Variants in CACNA2D3 observed in about 807,000 individuals in gnomAD.
CACNA2D3 encodes voltage-dependent calcium channel subunit alpha-2/delta-3.
CACNA2D3 carries 60 observed loss-of-function variants against 160.6 expected under a neutral mutation model. The ratio of observed to expected loss-of-function variants is 0.37; its 90% confidence interval spans 0.30 to 0.46. CACNA2D3 has a LOEUF of 0.46. Among genes scored for constraint, CACNA2D3 ranks in the 20% least tolerant of loss-of-function variants. CACNA2D3 has a pLI of 1.00. For missense variants in CACNA2D3, 1,205 were observed against 1,365.0 expected (o/e 0.88, Z 1.85); for synonymous variants, 558 against 492.9 (o/e 1.13, Z -1.75).
chr3:54,257,423 G>A (rs934626560), intron 2 of CACNA2D3, among the ~76,000 whole-genome samples: 2 of 152,164 alleles, frequency 1.3e-5, no homozygotes, highest in African/African-American at 2.4e-5. Context: ...TGCATGTAGC[G>A]TGAGAGCTAG....
chr3:54,263,522 G>A (rs1276379363), intron 2 of CACNA2D3, among the ~76,000 whole-genome samples: 1 of 152,188 alleles, frequency 6.6e-6, no homozygotes, highest in Non-Finnish European at 1.5e-5. Context: ...GATTTGAAGT[G>A]AGGTGGTGCA....
chr3:54,424,303 G>A (rs1699881687), intron 4 of CACNA2D3, among the ~76,000 whole-genome samples: 1 of 152,222 alleles, frequency 6.6e-6, no homozygotes, highest in Non-Finnish European at 1.5e-5. Context: ...CAGCTGTGAG[G>A]AGAAGCTCCT....
chr3:54,284,083 A>G (rs1702950627), intron 2 of CACNA2D3, among the ~76,000 whole-genome samples: 2 of 152,102 alleles, frequency 1.3e-5, no homozygotes, highest in South Asian at 4.1e-4. Context: ...AACAAAAACA[A>G]AACAAAACTA....
At position 54,968,384 on chromosome 3, in the gene CACNA2D3, A is replaced by G. The variant is rs1702199714; in HGVS notation, c.2450-66A>G. Reference sequence around the variant, plus strand: ...TTCTTGCCATGACGGATAATTTTCAACGATAATCTTAAATAATTGTGTAAA... The same window carrying G: ...TTCTTGCCATGACGGATAATTTTCAGCGATAATCTTAAATAATTGTGTAAA... On this transcript the variant is annotated intron_variant, in intron 27 of 37. Transcript: ENST00000474759. The G allele has an allele frequency of 4.6e-6, 5 of 1,078,822 alleles. No individual in the cohort carries two copies. In the Admixed American group the frequency reaches 5.9e-5, roughly 13 times the overall value. 66.8% of individuals were successfully genotyped at this position (1,078,822 alleles called of 1,614,324 possible). A position where few individuals can be genotyped will look rare whatever the true frequency, so the allele number is the denominator to read the frequency against.
chr3:54,827,163 C>A (rs1250614358), intron 14 of CACNA2D3, among the ~76,000 whole-genome samples: 5 of 152,166 alleles, frequency 3.3e-5, no homozygotes, highest in Non-Finnish European at 7.3e-5. Context: ...TCAGGTAGAC[C>A]AAGACTCAGA....
intron 2 of CACNA2D3, among the ~76,000 whole-genome samples, chr3:54,265,599 GTA>G (rs931901158): frequency 2.3e-5 from 3 of 129,450 alleles, no homozygotes; most frequent in African/African-American, 3.6e-5. Context: ...TATATAGTGT[GTA>G]TATATATAGT....
chr3:54,711,695 G>A (rs1195387004), intron 11 of CACNA2D3, among the ~76,000 whole-genome samples: 3 of 152,182 alleles, frequency 2.0e-5, no homozygotes, highest in Admixed American at 1.3e-4. Flanking sequence ...ACATAGAAGA[G>A]TGGATATCTG....
chr3:54,619,856 A>G (rs1241756651), intron 9 of CACNA2D3, among the ~76,000 whole-genome samples: 1 of 152,206 alleles, frequency 6.6e-6, no homozygotes, highest in Non-Finnish European at 1.5e-5. Flanking sequence ...AAGAGGCTGT[A>G]AAAGTCAGCC....
At chr3:54,442,335 A>G (rs1033501205) in intron 4 of CACNA2D3, among the ~76,000 whole-genome samples, 1 of 152,166 alleles carries the variant, frequency 6.6e-6, no homozygotes, top group African/African-American at 2.4e-5. Context: ...CATACATTTT[A>G]TAAAGAGGGC....
At chr3:54,215,701 T>C (rs962894697) in intron 2 of CACNA2D3, among the ~76,000 whole-genome samples, 4 of 152,130 alleles carry the variant, frequency 2.6e-5, no homozygotes, top group African/African-American at 9.7e-5. Flanking sequence ...GGCTTTCACA[T>C]GGAATTTCCA....
At chr3:54,598,652 T>C (rs565560133) in intron 9 of CACNA2D3, among the ~76,000 whole-genome samples, 2 of 152,178 alleles carry the variant, frequency 1.3e-5, no homozygotes, top group African/African-American at 4.8e-5. Flanking sequence ...CATACCTTAA[T>C]ACCAAGTCCT....
chr3:54,321,326 A>G (rs1450601755), intron 3 of CACNA2D3, among the ~76,000 whole-genome samples: 1 of 151,980 alleles, frequency 6.6e-6, no homozygotes, highest in Non-Finnish European at 1.5e-5. Context: ...GCTCAAAAAA[A>G]AAAAAAAGTT....
chr3:54,744,876 A>AG (rs1701723450), intron 11 of CACNA2D3, among the ~76,000 whole-genome samples: 1 of 152,182 alleles, frequency 6.6e-6, no homozygotes, highest in Admixed American at 6.5e-5. Context: ...GGGTGGGTGG[A>AG]GGATCCCCAT....
chr3:54,952,608 C>T (rs545553017), intron 27 of CACNA2D3, among the ~76,000 whole-genome samples: 16 of 152,200 alleles, frequency 1.1e-4, no homozygotes, highest in Non-Finnish European at 1.8e-4. Context: ...TTAGGTGAGT[C>T]CCTTTGGCTC....
chr3:55,026,983 G>A lies in CACNA2D3; in HGVS notation c.2987+8666G>A, dbSNP rs571072038. Among the ~76,000 whole-genome samples, 8 of 148,854 alleles carry A rather than the reference G, an allele frequency of 5.4e-5. No individual in the cohort carries two copies. In the East Asian group the frequency reaches 5.8e-4, roughly 11 times the overall value. On this transcript the variant is annotated intron_variant, in intron 35 of 37. Coordinates refer to ENST00000474759, the MANE Select transcript of CACNA2D3 (RefSeq NM_018398.3). ...TTCCTTCTCTCTCACCGCTAAGCGC[G>A]CATGCACGCACACACACACACACGC... is the stretch of plus-strand genomic sequence containing the variant.
chr3:54,431,140 C>T (rs1699983757), intron 4 of CACNA2D3, among the ~76,000 whole-genome samples: 1 of 151,860 alleles, frequency 6.6e-6, no homozygotes, highest in Non-Finnish European at 1.5e-5. Flanking sequence ...GGATTGAGAC[C>T]ATCCTGGCTA....
intron 2 of CACNA2D3, among the ~76,000 whole-genome samples, chr3:54,261,350 C>T (rs371988084): frequency 1.3e-5 from 2 of 152,118 alleles, no homozygotes; most frequent in African/African-American, 2.4e-5. Flanking sequence ...TCCTTCTTGG[C>T]GCTTGTTACC....
chr3:54,902,342 GTTTTCT>G (rs1700353837), intron 27 of CACNA2D3, among the ~76,000 whole-genome samples: 1 of 152,016 alleles, frequency 6.6e-6, no homozygotes. Context: ...TCTTTTGTGT[GTTTTCT>G]TTTTTAAACA....
rs575672841 is a variant in CACNA2D3, at chr3:54,424,707, T to G, written c.381+37933T>G. On this transcript the variant is annotated intron_variant, in intron 4 of 37. Transcript: ENST00000474759. Reference sequence around the variant, plus strand: ...CTGGTCTACTGTGGTCCACTGCACTTAGATTTCTCCGCACTGCCTCTCCTA... The same window carrying G: ...CTGGTCTACTGTGGTCCACTGCACTGAGATTTCTCCGCACTGCCTCTCCTA... Among the ~76,000 whole-genome samples, 4 of 152,252 alleles carry G rather than the reference T, an allele frequency of 2.6e-5. No individual in the cohort carries two copies. The East Asian group carries it at 7.7e-4, about 29-fold the overall frequency.
Sources: allele counts gnomAD v4.1 joint callset (sites outside exome capture counted in the v4.1 genomes callset), GRCh38; gene constraint gnomAD v4.1.1; transcripts MANE v1.5; gene names NCBI Gene and HGNC (gene_info 2026-07-23, HGNC 2026-07-21).